Variants in SNX32 observed in about 807,000 individuals in gnomAD.
SNX32 encodes the protein sorting nexin-32.
In SNX32, 58 loss-of-function variants were observed where a neutral mutation model predicts 57.0. The ratio of observed to expected loss-of-function variants is 1.02; its 90% confidence interval spans 0.82 to 1.27. SNX32 has a LOEUF of 1.27. Ranked by LOEUF, SNX32 falls within the 50% of genes most tolerant of loss-of-function variation. SNX32 has a pLI of 0.00. For missense variants in SNX32, 589 were observed against 541.2 expected (o/e 1.09, Z -0.88); for synonymous variants, 262 against 220.4 (o/e 1.19, Z -1.67).
rs1387085522 is a variant in SNX32 at position 65,852,973 on chromosome 11, C to G, written c.1158+15C>G. ...AACACGCCAAGGTGAGCCCTCCCAC[C>G]TCACTGGGCCCTTGTGAAGCCTCCC... On this transcript the variant is annotated intron_variant, in intron 12 of 12. Coordinates refer to ENST00000308342, the MANE Select transcript of SNX32 (RefSeq NM_152760.3). The G allele has an allele frequency of 6.8e-6, 11 of 1,613,650 alleles. No homozygotes were observed. The Admixed American group carries it at 1.2e-4, about 17-fold the overall frequency.
At chr11:65,843,697 C>T (rs981429691) in intron 1 of SNX32, among the ~76,000 whole-genome samples, 1 of 152,102 alleles carries the variant, frequency 6.6e-6, no homozygotes, top group African/African-American at 2.4e-5. Context: ...TTTAACAGGA[C>T]ACAAAAAGCC....
At chr11:65,853,098 T>C in intron 12 of SNX32, 140 bp downstream of exon 12, 1 of 1,268,054 alleles carries the variant, frequency 7.9e-7, no homozygotes, top group Non-Finnish European at 1.1e-6. Context: ...GAGCCCCAGC[T>C]AAGGCTTGGG....
chr11:65,838,945 C>T (rs2134688657), intron 1 of SNX32, among the ~76,000 whole-genome samples: 1 of 151,920 alleles, frequency 6.6e-6, no homozygotes, highest in South Asian at 2.1e-4. Flanking sequence ...TATCGAAACT[C>T]ATAAGATACA....
intron 1 of SNX32, among the ~76,000 whole-genome samples, chr11:65,848,416 A>C (rs1859061464): frequency 6.6e-6 from 1 of 151,694 alleles, no homozygotes. Flanking sequence ...CTAAAAAAAA[A>C]AAAAAAAGCT....
At chr11:65,850,693 C>T in intron 5 of SNX32, 58 bp from the exon 6 acceptor site, 5 of 1,588,090 alleles carry the variant, frequency 3.1e-6, no homozygotes, top group Non-Finnish European at 4.3e-6. Context: ...TGGCTTGCAA[C>T]TTGGGGTGGG....
Position 65,850,492 on chromosome 11 carries a change from G to A in SNX32, c.436G>A (p.Ala146Thr). 1.9e-6 allele frequency: 3 copies of A among 1,614,100 alleles called. No homozygotes were observed. The highest frequency in any genetic ancestry group is 2.5e-6 in the Non-Finnish European group (3 of 1,179,968). The stretch of plus-strand genomic sequence containing the variant: ...GCACGAAGTCTTTCTGCAGCGCCTG[G>A]CGGCCCACCCCACCCTGCGTCGAGA... Reference protein sequence around the residue: ...AMHEVFLQRLAAHPTLRRDHN... With the variant: ...AMHEVFLQRLTAHPTLRRDHN... Residue 146 changes from alanine (A) to threonine (T), a missense_variant, in exon 5 of 13, where the codon GCG becomes ACG. Ala to Thr is a moderately conservative substitution (Grantham distance 58, BLOSUM62 0). Transcript: ENST00000308342.
At chr11:65,834,189 CTG>C (rs1000594143) in intron 1 of SNX32, 88 bp downstream of exon 1, 257 of 407,868 alleles carry the variant, frequency 6.3e-4, no homozygotes, top group Admixed American at 8.0e-4. Flanking sequence ...GTGTGTGTGT[CTG>C]TGTGTGTGTG....
At chr11:65,841,197 C>T (rs998198017) in intron 1 of SNX32, among the ~76,000 whole-genome samples, 5 of 150,184 alleles carry the variant, frequency 3.3e-5, no homozygotes, top group East Asian at 2.0e-4. Flanking sequence ...CCACCCGCCT[C>T]GGCCTCCCAA....
At chr11:65,838,378 T>C (rs1858731313) in intron 1 of SNX32, among the ~76,000 whole-genome samples, 1 of 152,104 alleles carries the variant, frequency 6.6e-6, no homozygotes, top group Non-Finnish European at 1.5e-5. Flanking sequence ...AAACCTACAA[T>C]TAAATAGTAA....
At position 65,851,626 on chromosome 11, in the gene SNX32, C is replaced by A. The variant is rs1257569081; in HGVS notation, c.786-14C>A. The A allele has an allele frequency of 6.2e-7, 1 of 1,613,902 alleles. No homozygotes were observed. The highest frequency in any genetic ancestry group is 8.5e-7 in the Non-Finnish European group (1 of 1,179,946). On this transcript the variant is annotated splice_polypyrimidine_tract_variant and intron_variant, in intron 8 of 12. Transcript: ENST00000308342. ...TCAGCCCCCTACCCTAACTCCCTCC[C>A]TACTGCTTCCTAGGAGCTTCCTCAA...
At chr11:65,841,576 T>A (rs913645566) in intron 1 of SNX32, among the ~76,000 whole-genome samples, 1 of 151,924 alleles carries the variant, frequency 6.6e-6, no homozygotes, top group African/African-American at 2.4e-5. Context: ...TGAAACTTTT[T>A]AAAATATAAT....
At position 65,833,965 on chromosome 11, in the gene SNX32, C is replaced by T. The variant is rs1470131395; in HGVS notation, c.-101C>T. 1 of 1,350,272 alleles carries T rather than the reference C, an allele frequency of 7.4e-7. No individual in the cohort carries two copies. The highest frequency in any genetic ancestry group is 1.0e-6 in the Non-Finnish European group (1 of 988,294). 83.6% of individuals were successfully genotyped at this position (1,350,272 alleles called of 1,614,324 possible). A position where few individuals can be genotyped will look rare whatever the true frequency, so the allele number is the denominator to read the frequency against. On this transcript the variant is annotated 5_prime_UTR_variant, in exon 1 of 13. Transcript: ENST00000308342. Reference sequence around the variant, plus strand: ...GCCGGGCGGGGGAGAGCGTCCCCGTCAGCTGAGAGCATCCTCACTCGGTCA... The same window carrying T: ...GCCGGGCGGGGGAGAGCGTCCCCGTTAGCTGAGAGCATCCTCACTCGGTCA...
chr11:65,852,708 A>C lies in SNX32; in HGVS notation c.991A>C (p.Asn331His), dbSNP rs1267587642. The C allele has an allele frequency of 4.4e-6, 7 of 1,599,352 alleles. No individual in the cohort carries two copies. Among genetic ancestry groups the C allele is most frequent in the Non-Finnish European group, 5.9e-6 (7 of 1,176,534 alleles). The change falls in exon 11 of 13, where the codon AAC becomes CAC. Residue 331 changes from asparagine (N) to histidine (H), a missense_variant. Transcript: ENST00000308342. ...GGCGCTGGACAAGGCGCGCACCAGG[A>C]ACCGGGAGGTGCGGCCCGCCGAGAG... The part of the protein sequence containing the change: ...NKALDKARTR[N>H]REVRPAESHQ...
intron 1 of SNX32, among the ~76,000 whole-genome samples, chr11:65,836,388 C>CA (rs939419571): frequency 3.3e-4 from 50 of 152,032 alleles, no homozygotes; most frequent in African/African-American, 1.2e-3. Context: ...ACTAAAAATA[C>CA]AAAAAATTGG....
Position 65,852,653 on chromosome 11 carries a change from G to A in SNX32, c.936G>A (p.Arg312=). The A allele has an allele frequency of 6.2e-7, 1 of 1,603,526 alleles. No homozygotes were observed. The highest frequency in any genetic ancestry group is 8.5e-7 in the Non-Finnish European group (1 of 1,176,570). ...AGGACCTGCTGTACCGGCGGCTGCGGGCACTGGCCGACTACGAGAATGCCA... is the reference window on the plus strand; with the variant it reads ...AGGACCTGCTGTACCGGCGGCTGCGAGCACTGGCCGACTACGAGAATGCCA... ...AAKDLLYRRL[R]ALADYENANK... The change falls in exon 11 of 13, where the codon CGG becomes CGA. Residue 312 remains arginine, a synonymous_variant. Coordinates refer to ENST00000308342, the MANE Select transcript of SNX32 (RefSeq NM_152760.3).
At chr11:65,840,639 C>T (rs1167735308) in intron 1 of SNX32, among the ~76,000 whole-genome samples, 1 of 151,600 alleles carries the variant, frequency 6.6e-6, no homozygotes, top group African/African-American at 2.4e-5. Flanking sequence ...CCTATCTCTA[C>T]AAAAAAATAC....
intron 1 of SNX32, among the ~76,000 whole-genome samples, chr11:65,839,525 A>G (rs1858779291): frequency 6.6e-6 from 1 of 150,568 alleles, no homozygotes; most frequent in Non-Finnish European, 1.5e-5. Flanking sequence ...TTGTATTTTT[A>G]GTAGAGACGA....
chr11:65,846,982 T>C (rs1859016485), intron 1 of SNX32, among the ~76,000 whole-genome samples: 1 of 146,968 alleles, frequency 6.8e-6, no homozygotes, highest in Non-Finnish European at 1.5e-5. Context: ...AAACTCCATT[T>C]CAAAAAAAAA....
At chr11:65,852,049 T>C (rs1174139676) in intron 9 of SNX32, among the ~76,000 whole-genome samples, 1 of 152,118 alleles carries the variant, frequency 6.6e-6, no homozygotes, top group Non-Finnish European at 1.5e-5. Flanking sequence ...CTTCCTAAAA[T>C]GTCTATTGGA....
Sources: allele counts gnomAD v4.1 joint callset (sites outside exome capture counted in the v4.1 genomes callset), GRCh38; gene constraint gnomAD v4.1.1; transcripts MANE v1.5; gene names NCBI Gene and HGNC (gene_info 2026-07-23, HGNC 2026-07-21).